LRRC49: variants seen among roughly 807,000 people sequenced by gnomAD.
LRRC49 encodes leucine rich repeat containing 49.
Under a neutral mutation model 83.3 loss-of-function variants are expected in LRRC49, and 50 were observed. That is an observed-to-expected ratio of 0.60 (90% confidence interval 0.48 to 0.76). LRRC49 has a LOEUF of 0.76. LRRC49 is among the 30% of genes least tolerant of loss of function. The pLI, the probability that LRRC49 is intolerant of heterozygous loss-of-function variation, is 0.00. For synonymous variants in LRRC49, 286 were observed against 283.3 expected, an observed-to-expected ratio of 1.01 and a Z score of -0.10; for missense variants, 704 against 809.1, an observed-to-expected ratio of 0.87 and a Z score of 1.58.
intron 14 of LRRC49, among the ~76,000 whole-genome samples, chr15:71,029,730 A>T (rs1797024607): frequency 6.6e-6 from 1 of 152,130 alleles, no homozygotes; most frequent in African/African-American, 2.4e-5. Context: ...TATATTTAGG[A>T]TAGTTAGCTC....
At chr15:70,932,700 T>TTTTC (rs1452982256) in intron 7 of LRRC49, among the ~76,000 whole-genome samples, 2 of 151,394 alleles carry the variant, frequency 1.3e-5, no homozygotes, top group Non-Finnish European at 2.9e-5. Flanking sequence ...CATTTAGTTC[T>TTTTC]TTTCTTTTCT....
At position 70,886,683 on chromosome 15, in the gene LRRC49, T is replaced by C. The variant is rs533707597; in HGVS notation, c.19-6901T>C. ...GAGTTCAAGACCAGCCTGGCCAAGA[T>C]GGTGAAACCCCATCACTACTAAAAA... On this transcript the variant is annotated intron_variant, in intron 2 of 16. Transcript: ENST00000544974. Among the ~76,000 whole-genome samples, 20 of 152,206 alleles carry C rather than the reference T, an allele frequency of 1.3e-4. No homozygotes were observed. In the South Asian group the frequency reaches 4.2e-3, roughly 32 times the overall value.
chr15:70,926,806 A>C (rs962087844), intron 7 of LRRC49, among the ~76,000 whole-genome samples: 6 of 151,988 alleles, frequency 3.9e-5, no homozygotes, highest in African/African-American at 1.4e-4. Context: ...GCAGAGAATG[A>C]TGGTTTAAAT....
chr15:70,933,838 G>A (rs906987164), intron 7 of LRRC49, among the ~76,000 whole-genome samples: 4 of 152,182 alleles, frequency 2.6e-5, no homozygotes, highest in African/African-American at 7.2e-5. Context: ...GGTTTTCAAA[G>A]TGAGTCTTGG....
Position 70,959,508 on chromosome 15 carries a change from AGGAG to A in LRRC49, c.774-4259_774-4256del, listed in dbSNP as rs573705118. 4.6e-3 allele frequency among the ~76,000 whole-genome samples: 609 copies of A among 132,778 alleles called. 9 individuals carry two copies. Among genetic ancestry groups the A allele is most frequent in the African/African-American group, 0.016 (565 of 35,708 alleles). The allele number at this position is 132,778 out of a possible 152,430, so 87.1% of individuals were successfully genotyped here. On this transcript the variant is annotated intron_variant, in intron 8 of 15. Coordinates refer to ENST00000260382, the MANE Select transcript of LRRC49 (RefSeq NM_017691.5). Reference sequence around the variant, plus strand: ...CTCCATGAAAGAAAGAAAGGAAGGAAGGAGGGAGGGAGGGAGGGAGGAAAGGAGG... The same window carrying A: ...CTCCATGAAAGAAAGAAAGGAAGGAAGGAGGGAGGGAGGGAGGAAAGGAGG...
intron 7 of LRRC49, 163 bp from the exon 8 acceptor site, chr15:70,936,598 A>G (rs909302531): frequency 1.8e-6 from 1 of 566,476 alleles, no homozygotes; most frequent in Non-Finnish European, 3.1e-6. Flanking sequence ...CTCCCATTTA[A>G]TCTGCAGTGG....
intron 7 of LRRC49, among the ~76,000 whole-genome samples, chr15:70,926,642 A>ATATC (rs2035211591): frequency 6.6e-6 from 1 of 151,996 alleles, no homozygotes; most frequent in Admixed American, 6.6e-5. Context: ...AATATTAGGT[A>ATATC]TATCTCCTAA....
At chr15:70,937,989 C>T (rs2035661607) in intron 8 of LRRC49, among the ~76,000 whole-genome samples, 1 of 151,976 alleles carries the variant, frequency 6.6e-6, no homozygotes, top group Admixed American at 6.6e-5. Context: ...AAATCATTAA[C>T]AACTCTTTAG....
intron 2 of LRRC49, among the ~76,000 whole-genome samples, chr15:70,885,723 C>T (rs2033388799): frequency 6.6e-6 from 1 of 152,068 alleles, no homozygotes; most frequent in South Asian, 2.1e-4. Context: ...ATATATACCA[C>T]CAAATAGGTA....
chr15:70,962,045 A>G (rs2036619545), intron 8 of LRRC49, among the ~76,000 whole-genome samples: 1 of 152,206 alleles, frequency 6.6e-6, no homozygotes, highest in Non-Finnish European at 1.5e-5. Context: ...TGTAAGACTA[A>G]ATGGAAAAGC....
At chr15:71,009,449 T>A (rs2038574514) in intron 12 of LRRC49, 1 of 159,318 alleles carries the variant, frequency 6.3e-6, no homozygotes, top group South Asian at 2.0e-4. Context: ...ATTTCCAGTC[T>A]TTTTAAAAAA....
intron 1 of LRRC49, among the ~76,000 whole-genome samples, chr15:70,865,087 G>C (rs1230210011): frequency 6.6e-6 from 1 of 152,034 alleles, no homozygotes; most frequent in Non-Finnish European, 1.5e-5. Context: ...CTTTCATCTT[G>C]AACTTGGGTC....
chr15:70,876,233 C>T (rs915005081), intron 2 of LRRC49, among the ~76,000 whole-genome samples: 4 of 152,244 alleles, frequency 2.6e-5, no homozygotes, highest in Admixed American at 6.5e-5. Context: ...AGAAACACAT[C>T]TGCTTTCCTG....
intron 6 of LRRC49, among the ~76,000 whole-genome samples, chr15:70,916,452 A>C (rs2034778646): frequency 6.6e-6 from 1 of 152,088 alleles, no homozygotes; most frequent in South Asian, 2.1e-4. Flanking sequence ...ATGCCACCAC[A>C]CCTGGCTAGT....
chr15:70,875,635 T>A (rs537908185), intron 2 of LRRC49, among the ~76,000 whole-genome samples: 3 of 152,350 alleles, frequency 2.0e-5, no homozygotes, highest in African/African-American at 7.2e-5. Context: ...ACACTTACCA[T>A]GTGCCCAGCA....
intron 2 of LRRC49, among the ~76,000 whole-genome samples, chr15:70,878,099 G>A (rs2033189826): frequency 6.6e-6 from 1 of 152,094 alleles, no homozygotes; most frequent in Non-Finnish European, 1.5e-5. Flanking sequence ...CAACAAGCCA[G>A]GATCACGCCA....
chr15:70,931,814 G>A (rs558846231), intron 7 of LRRC49, among the ~76,000 whole-genome samples: 83 of 152,246 alleles, frequency 5.5e-4, no homozygotes, highest in African/African-American at 2.0e-3. Context: ...AGTTGAATTC[G>A]TGTCCTTCTA....
At position 70,861,799 on chromosome 15, in the gene LRRC49, C is replaced by T. The variant is rs574324016; in HGVS notation, c.-299+8330C>T. Among the ~76,000 whole-genome samples the T allele has an allele frequency of 7.2e-5, 11 of 152,254 alleles. No individual in the cohort carries two copies. In the South Asian group the frequency reaches 2.1e-3, roughly 29 times the overall value. ...CCTTAGCCGGGCATGGTGGTGTGCGCCTGTAGTCCTAGCTACTCGGGAGGC... is the reference window on the plus strand; with the variant it reads ...CCTTAGCCGGGCATGGTGGTGTGCGTCTGTAGTCCTAGCTACTCGGGAGGC... On this transcript the variant is annotated intron_variant, in intron 1 of 16. Coordinates refer to the LRRC49 transcript ENST00000544974.
At chr15:71,009,365 A>G (rs1467327365) in intron 12 of LRRC49, among the ~76,000 whole-genome samples, 1 of 151,972 alleles carries the variant, frequency 6.6e-6, no homozygotes, top group Non-Finnish European at 1.5e-5. Context: ...TTGGCAAGAT[A>G]CAAGTAATAA....
Sources: gnomAD v4.1 joint callset for allele counts (sites outside exome capture counted in the v4.1 genomes callset) on GRCh38, gnomAD v4.1.1 for gene constraint, MANE v1.5 for transcripts, NCBI Gene and HGNC (gene_info 2026-07-23, HGNC 2026-07-21) for gene names.